The following FTO variants were observed in gnomAD, a reference collection of about 807,000 sequenced individuals.
The protein encoded by FTO is alpha-ketoglutarate-dependent dioxygenase FTO.
Under a neutral mutation model 63.9 loss-of-function variants are expected in FTO, and 47 were observed. The ratio of observed to expected loss-of-function variants is 0.74; its 90% CI spans 0.58 to 0.94. FTO has a LOEUF of 0.94. Among genes scored for constraint, FTO ranks in the 40% least tolerant of loss-of-function variants. The pLI, the probability that FTO is intolerant of heterozygous loss-of-function variation, is 0.00. For synonymous variants in FTO, 207 were observed against 224.4 expected, an observed-to-expected ratio of 0.92 and a Z score of 0.69; for missense variants, 562 against 618.1, an observed-to-expected ratio of 0.91 and a Z score of 0.96.
chr16:53,930,317 G>A (rs2082251113), intron 7 of FTO, among the ~76,000 whole-genome samples: 1 of 131,174 alleles, frequency 7.6e-6, no homozygotes, highest in South Asian at 2.6e-4. Context: ...TCTGCCTCCC[G>A]GGTTCATGCC....
chr16:54,106,085 TA>T (rs1251772660), intron 8 of FTO, among the ~76,000 whole-genome samples: 1 of 152,174 alleles, frequency 6.6e-6, no homozygotes, highest in Non-Finnish European at 1.5e-5. Flanking sequence ...ACTTTTGCAT[TA>T]ACCTTTTATT....
chr16:53,860,330 A>T (rs1016820151), intron 4 of FTO, among the ~76,000 whole-genome samples: 8 of 152,240 alleles, frequency 5.3e-5, no homozygotes. Context: ...TGTTGGGTAG[A>T]TGTTGGTCAA....
intron 8 of FTO, 58 bp from the exon 9 acceptor site, chr16:54,111,704 G>A: frequency 1.3e-6 from 2 of 1,593,150 alleles, no homozygotes; most frequent in South Asian, 1.1e-5. Flanking sequence ...CTTCCTGTGG[G>A]TTGGGGTCTT....
At chr16:53,862,871 C>T (rs1308894607) in intron 4 of FTO, among the ~76,000 whole-genome samples, 2 of 152,070 alleles carry the variant, frequency 1.3e-5, no homozygotes, top group Admixed American at 1.3e-4. Context: ...TCTGTGATTC[C>T]TGTTAAGTAC....
chr16:54,058,268 C>T (rs1257841432), intron 8 of FTO, among the ~76,000 whole-genome samples: 7 of 152,014 alleles, frequency 4.6e-5, no homozygotes, highest in African/African-American at 1.7e-4. Flanking sequence ...CACACCACCA[C>T]GTGTCAGTAG....
chr16:53,933,874 G>T, intron 7 of FTO, 111 bp from the exon 8 acceptor site: 1 of 1,049,222 alleles, frequency 9.5e-7, no homozygotes, highest in Non-Finnish European at 1.4e-6. Flanking sequence ...TTTGTTAGCA[G>T]GGGAACTGTA....
chr16:53,712,883 G>C (rs1225633011), intron 1 of FTO, among the ~76,000 whole-genome samples: 1 of 151,818 alleles, frequency 6.6e-6, no homozygotes, highest in Non-Finnish European at 1.5e-5. Flanking sequence ...ATTTACTGTG[G>C]CTGAGTTTAG....
intron 7 of FTO, among the ~76,000 whole-genome samples, chr16:53,900,360 C>G (rs925353779): frequency 1.3e-5 from 2 of 152,024 alleles, no homozygotes; most frequent in Non-Finnish European, 2.9e-5. Context: ...TCTGAAAAAT[C>G]TGAAAGTTAA....
chr16:54,100,656 T>C (rs2086620453), intron 8 of FTO, among the ~76,000 whole-genome samples: 2 of 152,200 alleles, frequency 1.3e-5, no homozygotes, highest in South Asian at 4.1e-4. Flanking sequence ...CCAAGCCTTA[T>C]TGGCTCTTTT....
intron 3 of FTO, among the ~76,000 whole-genome samples, chr16:53,835,547 G>A (rs1197471893): frequency 6.6e-6 from 1 of 151,984 alleles, no homozygotes; most frequent in African/African-American, 2.4e-5. Flanking sequence ...TTATCTTACA[G>A]TGTTCATTTT....
At chr16:53,984,045 G>T (rs1315404642) in intron 8 of FTO, among the ~76,000 whole-genome samples, 4 of 152,132 alleles carry the variant, frequency 2.6e-5, no homozygotes. Flanking sequence ...ATTCTCCAAG[G>T]GAGGTGTTTG....
At chr16:54,005,824 A>G (rs2144034198) in intron 8 of FTO, among the ~76,000 whole-genome samples, 1 of 152,324 alleles carries the variant, frequency 6.6e-6, no homozygotes, top group South Asian at 2.1e-4. Flanking sequence ...CAGATTGGAG[A>G]GTTTTCTGGC....
intron 8 of FTO, among the ~76,000 whole-genome samples, chr16:54,055,398 A>G (rs2085408558): frequency 6.6e-6 from 1 of 152,238 alleles, no homozygotes; most frequent in Non-Finnish European, 1.5e-5. Context: ...ACCTTGATCC[A>G]GATACTGAGC....
chr16:53,957,852 A>C (rs1413183196), intron 8 of FTO, among the ~76,000 whole-genome samples: 2 of 152,234 alleles, frequency 1.3e-5, no homozygotes, highest in Non-Finnish European at 2.9e-5. Flanking sequence ...TATCAGTAAC[A>C]ATGCCTCTTT....
chr16:53,908,204 T>G (rs546744435), intron 7 of FTO, among the ~76,000 whole-genome samples: 1 of 152,246 alleles, frequency 6.6e-6, no homozygotes, highest in Non-Finnish European at 1.5e-5. Context: ...ATTTAGGTCC[T>G]ATTATCTGCA....
At position 54,041,403 on chromosome 16, in the gene FTO, G is replaced by T. The variant is rs192518330; in HGVS notation, c.1365-70359G>T. 2.6e-5 allele frequency among the ~76,000 whole-genome samples: 4 copies of T among 152,046 alleles called. No homozygotes were observed. In the East Asian group the frequency reaches 7.8e-4, roughly 29 times the overall value. ...ACCACTCCCCTCCCTTGACACCTGG[G>T]GATTACAATTCCAGATGAGATTTGG... On this transcript the variant is annotated intron_variant, in intron 8 of 8. Transcript: ENST00000471389.
At chr16:54,037,555 T>C (rs1327252670) in intron 8 of FTO, among the ~76,000 whole-genome samples, 11 of 152,256 alleles carry the variant, frequency 7.2e-5, no homozygotes, top group African/African-American at 2.4e-4. Flanking sequence ...GAGCATCTAG[T>C]GTATCTTTTA....
intron 8 of FTO, 37 bp from the exon 9 acceptor site, chr16:54,111,724 TC>T: frequency 1.2e-6 from 2 of 1,613,580 alleles, no homozygotes; most frequent in Non-Finnish European, 1.7e-6. Context: ...TCTGGGGGTT[TC>T]CTCCCGTGGA....
At chr16:53,826,949 A>G (rs894271465) in intron 3 of FTO, among the ~76,000 whole-genome samples, 3 of 152,192 alleles carry the variant, frequency 2.0e-5, no homozygotes, top group Admixed American at 6.5e-5. Flanking sequence ...ATATTTTATT[A>G]TGGTTGACAT....
Sources: gnomAD v4.1 joint callset for allele counts (sites outside exome capture counted in the v4.1 genomes callset) on GRCh38, gnomAD v4.1.1 for gene constraint, MANE v1.5 for transcripts, NCBI Gene and HGNC (gene_info 2026-07-23, HGNC 2026-07-21) for gene names.